ATP2B4: variants seen among roughly 807,000 people sequenced by gnomAD.
ATP2B4 encodes ATPase plasma membrane Ca2+ transporting 4.
A neutral mutation model predicts 110.3 loss-of-function variants in ATP2B4; 39 were observed. That is an observed-to-expected ratio of 0.35 (90% CI 0.27 to 0.46). The LOEUF is 0.46. Among genes scored for constraint, ATP2B4 ranks in the 20% least tolerant of loss-of-function variants. ATP2B4 has a pLI of 1.00. For missense variants in ATP2B4, 1,135 were observed against 1,530.9 expected (o/e 0.74, Z 4.32); for synonymous variants, 538 against 571.7 (o/e 0.94, Z 0.84).
At chr1:203,690,060 A>G (rs771293624) in intron 2 of ATP2B4, among the ~76,000 whole-genome samples, 2 of 152,154 alleles carry the variant, frequency 1.3e-5, no homozygotes, top group Non-Finnish European at 2.9e-5. Flanking sequence ...TTCCTTGGGG[A>G]GTAAGTGGCA....
At chr1:203,718,305 GTTAT>G (rs1316973913) in intron 15 of ATP2B4, among the ~76,000 whole-genome samples, 1 of 145,396 alleles carries the variant, frequency 6.9e-6, no homozygotes, top group Non-Finnish European at 1.5e-5. Context: ...ATTTTATTTA[GTTAT>G]TTATTTTGAG....
chr1:203,637,114 GTTA>G (rs1027013808), intron 1 of ATP2B4, among the ~76,000 whole-genome samples: 5 of 152,154 alleles, frequency 3.3e-5, no homozygotes, highest in Non-Finnish European at 5.9e-5. Context: ...CCCCCCAAAA[GTTA>G]TTATATTGAA....
chr1:203,733,483 T>C, intron 20 of ATP2B4: 3 of 1,341,690 alleles, frequency 2.2e-6, no homozygotes, highest in Non-Finnish European at 3.0e-6. Flanking sequence ...CAACCATGGT[T>C]ATCTTTTCCT....
At chr1:203,636,883 C>T (rs1663454973) in intron 1 of ATP2B4, among the ~76,000 whole-genome samples, 1 of 152,068 alleles carries the variant, frequency 6.6e-6, no homozygotes, top group African/African-American at 2.4e-5. Context: ...CCCAGGATGA[C>T]CAGGGGAAAA....
At chr1:203,669,421 TTTG>T (rs1304663182) in intron 1 of ATP2B4, among the ~76,000 whole-genome samples, 2 of 149,670 alleles carry the variant, frequency 1.3e-5, no homozygotes, top group East Asian at 3.9e-4. Context: ...CAGGACTTTT[TTTG>T]GTTGTTGTTT....
chr1:203,662,932 T>G (rs1437656262), intron 1 of ATP2B4, among the ~76,000 whole-genome samples: 1 of 152,194 alleles, frequency 6.6e-6, no homozygotes, highest in Non-Finnish European at 1.5e-5. Flanking sequence ...GCGCATGACA[T>G]CACCTGAACC....
At chr1:203,648,400 C>T (rs1269639712) in intron 1 of ATP2B4, among the ~76,000 whole-genome samples, 1 of 152,086 alleles carries the variant, frequency 6.6e-6, no homozygotes. Flanking sequence ...GGGACAAAGA[C>T]AATGTCTAGT....
At chr1:203,657,652 C>G in intron 1 of ATP2B4, 1 of 825,564 alleles carries the variant, frequency 1.2e-6, no homozygotes, top group Non-Finnish European at 2.2e-6. Context: ...CGTTCATGAG[C>G]CTCTCGTTCA....
chr1:203,649,749 A>C (rs191598468), intron 1 of ATP2B4, among the ~76,000 whole-genome samples: 1 of 152,198 alleles, frequency 6.6e-6, no homozygotes, highest in Admixed American at 6.5e-5. Flanking sequence ...AGCCTTAATC[A>C]TGCCACTGTA....
At position 203,703,700 on chromosome 1, in the gene ATP2B4, A is replaced by T; in HGVS notation, c.986A>T (p.Gln329Leu). Residue 329 changes from glutamine to leucine, a missense_variant, in exon 8 of 21, where the codon CAG becomes CTG. Gln to Leu is a moderately radical substitution (Grantham distance 113). Around this residue, in one of 9 missense-constraint regions of ATP2B4, gnomAD observed 162 missense variants for 210.5 expected, o/e 0.77. Coordinates refer to ENST00000357681, the MANE Select transcript of ATP2B4 (RefSeq NM_001684.5). ...VALEIQPLNS[Q>L]EGIDNEEKDK... ...CTGGAAATCCAGCCACTCAACAGCCAGGAGGGAATCGACAATGAGGAAAAG... is the reference window on the plus strand; with the variant it reads ...CTGGAAATCCAGCCACTCAACAGCCTGGAGGGAATCGACAATGAGGAAAAG... The T allele has an allele frequency of 6.2e-7, 1 of 1,614,208 alleles. No individual in the cohort carries two copies. Among genetic ancestry groups the T allele is most frequent in the Non-Finnish European group, 8.5e-7 (1 of 1,180,016 alleles).
rs757340991 is a variant in ATP2B4, at chr1:203,707,962, T to C, written c.1415T>C (p.Met472Thr). Residue 472 changes from methionine to threonine, a missense_variant, in exon 10 of 21, where the codon ATG becomes ACG. Around this residue, in one of 9 missense-constraint regions of ATP2B4, gnomAD observed 368 missense variants for 455.9 expected, o/e 0.81. Transcript: ENST00000357681. ...ICSDKTGTLT[M>T]NRMTVVQAYI... ...TCTGATAAGACAGGCACGTTGACCATGAACCGCATGACTGTGGTACAAGCT... is the reference window on the plus strand; with the variant it reads ...TCTGATAAGACAGGCACGTTGACCACGAACCGCATGACTGTGGTACAAGCT... The C allele has an allele frequency of 1.9e-6, 3 of 1,614,232 alleles. No individual in the cohort carries two copies. Among genetic ancestry groups the C allele is most frequent in the Non-Finnish European group, 2.5e-6 (3 of 1,180,046 alleles).
intron 1 of ATP2B4, among the ~76,000 whole-genome samples, chr1:203,628,695 GC>G (rs1271942965): frequency 6.6e-6 from 1 of 152,064 alleles, no homozygotes; most frequent in Non-Finnish European, 1.5e-5. Context: ...GCCCTACTAC[GC>G]CCCCTCCACT....
chr1:203,651,900 AT>A (rs1316273852), intron 1 of ATP2B4, among the ~76,000 whole-genome samples: 2 of 151,094 alleles, frequency 1.3e-5, no homozygotes, highest in Admixed American at 1.3e-4. Flanking sequence ...TCTACTAAAA[AT>A]AAAAAAAAAT....
At chr1:203,630,544 C>G (rs1663237687) in intron 1 of ATP2B4, among the ~76,000 whole-genome samples, 1 of 152,094 alleles carries the variant, frequency 6.6e-6, no homozygotes, top group African/African-American at 2.4e-5. Flanking sequence ...AGCCAAACCC[C>G]TAAAAAACTG....
chr1:203,644,446 A>T (rs1442112853), intron 1 of ATP2B4, among the ~76,000 whole-genome samples: 1 of 152,008 alleles, frequency 6.6e-6, no homozygotes, highest in Non-Finnish European at 1.5e-5. Context: ...TGGTCTAGAG[A>T]AGTGAGTTCC....
At chr1:203,715,637 A>G (rs79887977) in intron 15 of ATP2B4, among the ~76,000 whole-genome samples, 2,591 of 144,676 alleles carry the variant, frequency 0.018, 309 homozygotes, top group African/African-American at 0.063. Context: ...TAATAATTAT[A>G]TATCAATAAT....
At chr1:203,653,713 C>T (rs191170411) in intron 1 of ATP2B4, among the ~76,000 whole-genome samples, 4 of 151,606 alleles carry the variant, frequency 2.6e-5, no homozygotes, top group Admixed American at 1.3e-4. Flanking sequence ...CCCGCCACCA[C>T]GCCCTGCTAA....
chr1:203,636,851 G>T (rs1010533906), intron 1 of ATP2B4, among the ~76,000 whole-genome samples: 1 of 152,144 alleles, frequency 6.6e-6, no homozygotes, highest in Non-Finnish European at 1.5e-5. Context: ...GTAACAATTT[G>T]CAGCCAAGTC....
intron 2 of ATP2B4, among the ~76,000 whole-genome samples, chr1:203,683,673 T>C (rs1327145766): frequency 7.1e-6 from 1 of 140,270 alleles, no homozygotes; most frequent in East Asian, 2.1e-4. Context: ...TTTCTTTTTT[T>C]TTTTTTTTTT....
Sources: gnomAD v4.1 joint callset for allele counts (sites outside exome capture counted in the v4.1 genomes callset) on GRCh38, gnomAD v4.1.1 for gene constraint, gnomAD v4.1.1 regional missense constraint, MANE v1.5 for transcripts, NCBI Gene and HGNC (gene_info 2026-07-23, HGNC 2026-07-21) for gene names.